Variants in SLC60A2 observed in about 807,000 individuals in gnomAD.
The protein encoded by SLC60A2 is major facilitator superfamily domain containing 4B.
At chr6:111,275,922 A>C in the SLC60A2 span, among the ~76,000 whole-genome samples, 1 of 152,304 alleles carries the variant, frequency 6.6e-6, no homozygotes, top group South Asian at 2.1e-4. Flanking sequence ...GCTGTTAAAC[A>C]GTAACTGCCA....
At chr6:111,260,977 A>G in the SLC60A2 span, among the ~76,000 whole-genome samples, 2 of 152,254 alleles carry the variant, frequency 1.3e-5, no homozygotes, top group African/African-American at 4.8e-5. Context: ...GAGCAGGGCA[A>G]TTAGAATCAG....
At chr6:111,275,953 C>T in the SLC60A2 span, among the ~76,000 whole-genome samples, 1 of 152,280 alleles carries the variant, frequency 6.6e-6, no homozygotes, top group East Asian at 1.9e-4. Context: ...CCATCCCAGC[C>T]CTTGTCAACC....
the SLC60A2 span, chr6:111,265,147 C>A: frequency 3.2e-6 from 1 of 316,600 alleles, no homozygotes; most frequent in Non-Finnish European, 4.6e-6. Context: ...AGCTTTCTAC[C>A]CCTCCCTTCC....
chr6:111,279,269 T>C, the SLC60A2 span, among the ~76,000 whole-genome samples: 4 of 151,752 alleles, frequency 2.6e-5, no homozygotes, highest in African/African-American at 7.3e-5. Flanking sequence ...TTCTTTCTTT[T>C]TTTTTTTTTT....
At chr6:111,269,507 T>C in the SLC60A2 span, 1 of 152,170 alleles carries the variant, frequency 6.6e-6, no homozygotes, top group Non-Finnish European at 1.5e-5. Context: ...GCCCTTTTGC[T>C]CTTTTTATAG....
the SLC60A2 span, chr6:111,266,455 T>G: frequency 6.2e-7 from 1 of 1,614,224 alleles, no homozygotes. Flanking sequence ...GGAACCATGA[T>G]TGTGTTGAGC....
At chr6:111,259,904 C>T in the SLC60A2 span, among the ~76,000 whole-genome samples, 1 of 144,376 alleles carries the variant, frequency 6.9e-6, no homozygotes, top group Non-Finnish European at 1.5e-5. Context: ...CTTTCAGCTC[C>T]AGCAAGCTTT....
chr6:111,266,718 G>A, the SLC60A2 span: 1 of 1,614,058 alleles, frequency 6.2e-7, no homozygotes, highest in Non-Finnish European at 8.5e-7. Flanking sequence ...TTTGCCTGTA[G>A]TTCTGTATAC....
the SLC60A2 span, chr6:111,267,995 G>T: frequency 4.6e-5 from 7 of 152,192 alleles, no homozygotes; most frequent in African/African-American, 1.7e-4. Flanking sequence ...GTCACTTAAC[G>T]TAGGCCTTGT....
At chr6:111,269,126 G>GTAA in the SLC60A2 span, 1 of 152,134 alleles carries the variant, frequency 6.6e-6, no homozygotes, top group Non-Finnish European at 1.5e-5. Context: ...CTTGGTTCAT[G>GTAA]TAATAACCTA....
the SLC60A2 span, among the ~76,000 whole-genome samples, chr6:111,260,240 G>C: frequency 6.6e-6 from 1 of 152,158 alleles, no homozygotes; most frequent in East Asian, 1.9e-4. Flanking sequence ...TCCTTCGTCG[G>C]ATGGGAAGGT....
the SLC60A2 span, chr6:111,259,619 GA>G: frequency 1.4e-6 from 2 of 1,469,646 alleles, no homozygotes; most frequent in Admixed American, 4.3e-5. Flanking sequence ...CCCCGGCGGA[GA>G]ATGAGCCGGA....
the SLC60A2 span, chr6:111,278,652 G>A: frequency 6.6e-6 from 1 of 152,390 alleles, no homozygotes; most frequent in African/African-American, 2.4e-5. Flanking sequence ...ATCTATATAA[G>A]ATGTGATTTG....
chr6:111,262,216 T>G, the SLC60A2 span: 2 of 1,542,452 alleles, frequency 1.3e-6, no homozygotes, highest in Non-Finnish European at 1.8e-6. Context: ...GACATTATTT[T>G]AATGATTATA....
the SLC60A2 span, chr6:111,267,285 C>G: frequency 1.7e-6 from 1 of 597,590 alleles, no homozygotes; most frequent in Non-Finnish European, 2.9e-6. Context: ...TTCCCAGAGT[C>G]TTCCATAAAT....
chr6:111,267,937 C>T, the SLC60A2 span: 1 of 152,226 alleles, frequency 6.6e-6, no homozygotes, highest in Non-Finnish European at 1.5e-5. Context: ...CAGAACAGGG[C>T]CCAAGGGGTC....
At chr6:111,273,496 GT>G in the SLC60A2 span, among the ~76,000 whole-genome samples, 51 of 109,858 alleles carry the variant, frequency 4.6e-4, no homozygotes, top group African/African-American at 6.1e-4. Flanking sequence ...TGAGATTTGT[GT>G]TTTTTTTTTT....
chr6:111,276,360 AT>A, the SLC60A2 span, among the ~76,000 whole-genome samples: 2 of 152,074 alleles, frequency 1.3e-5, no homozygotes, highest in Middle Eastern at 3.2e-3. Context: ...TTTGTCTTAG[AT>A]TTTTTTCTTA....
chr6:111,273,270 CT>C, the SLC60A2 span, among the ~76,000 whole-genome samples: 1 of 152,136 alleles, frequency 6.6e-6, no homozygotes, highest in Non-Finnish European at 1.5e-5. Flanking sequence ...CTGCCTCAGC[CT>C]TCTGAGCAAC....
Sources: gnomAD v4.1 joint callset for allele counts (sites outside exome capture counted in the v4.1 genomes callset) on GRCh38, gnomAD v4.1.1 for gene constraint, MANE v1.5 for transcripts, NCBI Gene and HGNC (gene_info 2026-07-23, HGNC 2026-07-21) for gene names.